B3GAT1: variants seen among roughly 807,000 people sequenced by gnomAD.
B3GAT1 encodes beta-1,3-glucuronyltransferase 1.
A neutral mutation model predicts 28.4 loss-of-function variants in B3GAT1; 11 were observed. That is an observed-to-expected ratio of 0.39 (90% CI 0.24 to 0.64). B3GAT1 has a LOEUF of 0.64. Among genes scored for constraint, B3GAT1 ranks in the 30% least tolerant of loss-of-function variants. The pLI is 0.50. For missense variants in B3GAT1, 375 were observed against 491.0 expected (o/e 0.76, Z 2.23); for synonymous variants, 255 against 223.1 (o/e 1.14, Z -1.27).
chr11:134,397,366 G>GCCCACCACT (rs1944525578), intron 1 of B3GAT1, among the ~76,000 whole-genome samples: 1 of 151,680 alleles, frequency 6.6e-6, no homozygotes, highest in Non-Finnish European at 1.5e-5. Context: ...CCCTGCGCCC[G>GCCCACCACT]CCCACCACTC....
chr11:134,406,095 C>T (rs984333313), intron 1 of B3GAT1, among the ~76,000 whole-genome samples: 4 of 152,344 alleles, frequency 2.6e-5, no homozygotes, highest in South Asian at 4.1e-4. Context: ...GACCAGCGCC[C>T]GGGGGGCTCG....
At chr11:134,384,300 G>T in intron 2 of B3GAT1, 112 bp from the exon 3 acceptor site, 1 of 1,362,108 alleles carries the variant, frequency 7.3e-7, no homozygotes, top group South Asian at 1.5e-5. Flanking sequence ...CCCGCTGCAG[G>T]GGCTGCTCAG....
chr11:134,401,392 C>T (rs1046655412), intron 1 of B3GAT1, among the ~76,000 whole-genome samples: 4 of 152,212 alleles, frequency 2.6e-5, no homozygotes, highest in Non-Finnish European at 5.9e-5. Flanking sequence ...TGGAATACTA[C>T]GTAGCCATAA....
At chr11:134,406,582 C>A (rs796934985) in intron 1 of B3GAT1, among the ~76,000 whole-genome samples, 7 of 151,984 alleles carry the variant, frequency 4.6e-5, no homozygotes, top group African/African-American at 1.4e-4. Flanking sequence ...TTTCAATAAG[C>A]CTTTAAGTGA....
chr11:134,385,010 G>C (rs939106540), intron 2 of B3GAT1: 23 of 152,156 alleles, frequency 1.5e-4, no homozygotes, highest in African/African-American at 5.3e-4. Context: ...AAGAAATCCC[G>C]GTGCCTGGGC....
In B3GAT1 at chr11:134,398,442, A is replaced by C. The variant is rs370311567; in HGVS notation, c.-281-10502T>G. 1.6e-3 allele frequency among the ~76,000 whole-genome samples: 249 copies of C among 150,972 alleles called. 2 individuals carry two copies. Among genetic ancestry groups the C allele is most frequent in the African/African-American group, 5.7e-3 (229 of 40,334 alleles). The stretch of plus-strand genomic sequence containing the variant: ...GGTTTGCGGGGGCTGCTGCTCCTAA[A>C]CCTACTAAACACAACAGCTCACACG... On this transcript the variant is annotated intron_variant, in intron 1 of 5. Coordinates refer to ENST00000312527, the MANE Select transcript of B3GAT1 (RefSeq NM_054025.3).
chr11:134,401,393 G>A (rs73589641), intron 1 of B3GAT1, among the ~76,000 whole-genome samples: 2,578 of 152,326 alleles, frequency 0.017, 72 homozygotes, highest in African/African-American at 0.057. Context: ...GGAATACTAC[G>A]TAGCCATAAA....
intron 1 of B3GAT1, chr11:134,389,568 C>T (rs1225184351): frequency 6.6e-6 from 1 of 152,362 alleles, no homozygotes. Flanking sequence ...TCTTCTCCTC[C>T]CTTTTCACTT....
chr11:134,384,352 T>C, intron 2 of B3GAT1, 164 bp from the exon 3 acceptor site: 1 of 912,572 alleles, frequency 1.1e-6, no homozygotes, highest in East Asian at 2.7e-5. Context: ...GGTTGAAATC[T>C]GCAGCCCTGG....
intron 1 of B3GAT1, among the ~76,000 whole-genome samples, chr11:134,404,012 TATA>T (rs1565459339): frequency 1.6e-5 from 2 of 121,746 alleles, no homozygotes; most frequent in African/African-American, 6.6e-5. Context: ...TATATATATA[TATA>T]TATATATATA....
intron 1 of B3GAT1, among the ~76,000 whole-genome samples, chr11:134,402,672 G>GGAGGCTGA (rs1294086433): frequency 2.0e-5 from 3 of 152,182 alleles, no homozygotes; most frequent in Non-Finnish European, 4.4e-5. Flanking sequence ...CAGCACATTG[G>GGAGGCTGA]GAGGCTGAGG....
chr11:134,382,052 T>C (rs1944137548), intron 4 of B3GAT1, 28 bp from the exon 5 acceptor site: 3 of 1,607,884 alleles, frequency 1.9e-6, no homozygotes, highest in Non-Finnish European at 2.6e-6. Context: ...CAAAACATGG[T>C]GGGACAGGCC....
chr11:134,383,257 C>T (rs548355179), intron 3 of B3GAT1, among the ~76,000 whole-genome samples: 2 of 152,266 alleles, frequency 1.3e-5, no homozygotes, highest in Non-Finnish European at 2.9e-5. Context: ...CTCAGCGTGG[C>T]CCTGCTGCTG....
At chr11:134,407,510 A>G (rs553865042) in intron 1 of B3GAT1, among the ~76,000 whole-genome samples, 5 of 152,356 alleles carry the variant, frequency 3.3e-5, no homozygotes, top group Admixed American at 2.0e-4. Context: ...CGTGGAATCC[A>G]CAGCCCCCTG....
chr11:134,383,014 G>C lies in B3GAT1; in HGVS notation c.622-8C>G, dbSNP rs747278356. ...CCTCCTGGTGCTGCGCATCTACAAG[G>C]GGGGGGTCCAGAGTCAGGGCGCCGG... On this transcript the variant is annotated splice_polypyrimidine_tract_variant and splice_region_variant and intron_variant, in intron 3 of 5. Coordinates refer to ENST00000312527, the MANE Select transcript of B3GAT1 (RefSeq NM_054025.3). 4 of 1,542,242 alleles carry C rather than the reference G, an allele frequency of 2.6e-6. No homozygotes were observed. Among genetic ancestry groups the C allele is most frequent in the Admixed American group, 1.9e-5 (1 of 52,748 alleles).
At chr11:134,404,815 C>T (rs1944696521) in intron 1 of B3GAT1, among the ~76,000 whole-genome samples, 2 of 152,220 alleles carry the variant, frequency 1.3e-5, no homozygotes, top group African/African-American at 2.4e-5. Context: ...CTAATATCGA[C>T]AGGCGATGAG....
chr11:134,382,005 C>T lies in B3GAT1; in HGVS notation c.938G>A (p.Arg313Gln), dbSNP rs1298498591. The change falls in exon 5 of 6, where the codon CGG (arginine) becomes CAG (glutamine). Residue 313 changes from arginine to glutamine, a missense_variant. Transcript: ENST00000312527. ...NCTKILVWHT[R>Q]TEKPVLVNEG... ...ATTCACCAGCACTGGCTTCTCTGTC[C>T]GTGTGTGCCACACCAGGATCTGTGT... 6.2e-6 allele frequency: 10 copies of T among 1,613,966 alleles called. No individual in the cohort carries two copies. Among genetic ancestry groups the T allele is most frequent in the East Asian group, 2.2e-5 (1 of 44,886 alleles).
chr11:134,408,558 T>G (rs749412267), intron 1 of B3GAT1, among the ~76,000 whole-genome samples: 7 of 33,706 alleles, frequency 2.1e-4, no homozygotes, highest in African/African-American at 4.1e-4. Context: ...AGCCTGCACC[T>G]ATTCCAGTGG....
rs539646186 is a variant in B3GAT1, at chr11:134,398,858, C to T, written c.-281-10918G>A. Among the ~76,000 whole-genome samples, 6 of 152,236 alleles carry T rather than the reference C, an allele frequency of 3.9e-5. No individual in the cohort carries two copies. In the East Asian group the frequency reaches 7.7e-4, roughly 20 times the overall value. On this transcript the variant is annotated intron_variant, in intron 1 of 5. Coordinates refer to ENST00000312527, the MANE Select transcript of B3GAT1 (RefSeq NM_054025.3). ...CACACCCGGCTGGCAGCTGAGACTT[C>T]CCTGCCCTTGTTCATCAGAGCTAGT... is the stretch of plus-strand genomic sequence containing the variant.
Sources: gnomAD v4.1 joint callset for allele counts (sites outside exome capture counted in the v4.1 genomes callset) on GRCh38, gnomAD v4.1.1 for gene constraint, MANE v1.5 for transcripts, NCBI Gene and HGNC (gene_info 2026-07-23, HGNC 2026-07-21) for gene names.